Variants in PRKG1 observed in about 807,000 individuals in gnomAD.
The protein encoded by PRKG1 is protein kinase cGMP-dependent 1.
A neutral mutation model predicts 88.1 loss-of-function variants in PRKG1; 35 were observed. That is an observed-to-expected ratio of 0.40 (90% CI 0.30 to 0.53). PRKG1 has a LOEUF of 0.53. PRKG1 is among the 20% of genes least tolerant of loss of function. The pLI is 0.59. For missense variants in PRKG1, 540 were observed against 839.8 expected (o/e 0.64, Z 4.41); for synonymous variants, 303 against 292.5 (o/e 1.04, Z -0.37).
At chr10:51,100,907 G>A (rs1016044896) in intron 1 of PRKG1, among the ~76,000 whole-genome samples, 2 of 152,174 alleles carry the variant, frequency 1.3e-5, no homozygotes, top group Non-Finnish European at 2.9e-5. Flanking sequence ...GTGAAAAAAG[G>A]GTGATTCTGA....
intron 2 of PRKG1, among the ~76,000 whole-genome samples, chr10:51,393,038 C>A (rs528623596): frequency 6.8e-6 from 1 of 145,992 alleles, no homozygotes; most frequent in Admixed American, 6.7e-5. Context: ...GGTTGCCGGG[C>A]GGAGGGGCTC....
chr10:51,384,767 G>A (rs1837207646), intron 2 of PRKG1, among the ~76,000 whole-genome samples: 1 of 152,106 alleles, frequency 6.6e-6, no homozygotes, highest in South Asian at 2.1e-4. Context: ...GACTTTCTTT[G>A]AGGGCAATGG....
At chr10:51,193,501 G>T (rs1273766851) in intron 2 of PRKG1, among the ~76,000 whole-genome samples, 1 of 151,982 alleles carries the variant, frequency 6.6e-6, no homozygotes, top group Admixed American at 6.6e-5. Flanking sequence ...TTATCATGCT[G>T]TCCTTCAAAA....
chr10:52,083,756 T>A (rs1846839400), intron 7 of PRKG1, among the ~76,000 whole-genome samples: 1 of 152,042 alleles, frequency 6.6e-6, no homozygotes, highest in East Asian at 1.9e-4. Context: ...CAAGGATGGA[T>A]GTGAAATTGC....
In PRKG1 at chr10:51,945,469, T is replaced by G. The variant is rs879626178; in HGVS notation, c.762+37899T>G. 2.1e-3 allele frequency among the ~76,000 whole-genome samples: 318 copies of G among 151,324 alleles called. 1 individual carries two copies. The highest frequency in any genetic ancestry group is 3.5e-3 in the Non-Finnish European group (238 of 67,800). ...AGTCCGTTTACATTTAAAGTTAATA[T>G]TGTTATGTGTGAATCTGATCCTGTC... On this transcript the variant is annotated intron_variant, in intron 5 of 17. Transcript: ENST00000373980.
chr10:52,206,828 C>A (rs1267793387), intron 9 of PRKG1, among the ~76,000 whole-genome samples: 1 of 152,194 alleles, frequency 6.6e-6, no homozygotes, highest in Admixed American at 6.5e-5. Context: ...GGCCACAACA[C>A]TGATGGGGGT....
intron 2 of PRKG1, among the ~76,000 whole-genome samples, chr10:51,462,214 C>T (rs532688468): frequency 6.6e-6 from 1 of 152,262 alleles, no homozygotes; most frequent in Admixed American, 6.5e-5. Context: ...ACACCTGGTT[C>T]CCTTTAATAG....
intron 5 of PRKG1, chr10:51,909,988 A>G (rs1302954507): frequency 6.6e-6 from 1 of 152,298 alleles, no homozygotes; most frequent in African/African-American, 2.4e-5. Flanking sequence ...AAGGTAGACT[A>G]TCTGGTTACA....
intron 3 of PRKG1, among the ~76,000 whole-genome samples, chr10:51,688,454 C>T (rs1319479390): frequency 6.6e-6 from 1 of 151,990 alleles, no homozygotes; most frequent in Non-Finnish European, 1.5e-5. Flanking sequence ...ACTATGGCAG[C>T]ACCAAACCTC....
intron 1 of PRKG1, among the ~76,000 whole-genome samples, chr10:51,140,147 G>C (rs931595438): frequency 6.6e-6 from 1 of 152,118 alleles, no homozygotes; most frequent in African/African-American, 2.4e-5. Context: ...CCTAAATGCT[G>C]CATTGTCAAA....
intron 3 of PRKG1, among the ~76,000 whole-genome samples, chr10:51,775,784 A>C (rs1455635657): frequency 6.6e-6 from 1 of 151,944 alleles, no homozygotes; most frequent in Non-Finnish European, 1.5e-5. Flanking sequence ...GGGTTTCACC[A>C]TGTTGCCCAG....
At chr10:52,056,620 A>G (rs10762550) in intron 6 of PRKG1, among the ~76,000 whole-genome samples, 30,370 of 152,094 alleles carry the variant, frequency 0.2, 3,537 homozygotes, top group South Asian at 0.27. Flanking sequence ...AAGTAGTACT[A>G]ATATATTAGA....
chr10:51,198,962 T>C (rs1837843705), intron 2 of PRKG1, among the ~76,000 whole-genome samples: 1 of 152,254 alleles, frequency 6.6e-6, no homozygotes, highest in Non-Finnish European at 1.5e-5. Context: ...TGAAATCTTA[T>C]GCCTTGGAGA....
upstream of PRKG1, chr10:51,074,390 A>T: frequency 2.2e-6 from 3 of 1,346,186 alleles, no homozygotes; most frequent in Non-Finnish European, 3.0e-6. Context: ...AGCCCAGAGA[A>T]GTGGAATCTG....
At chr10:51,860,221 G>A (rs1840835963) in intron 4 of PRKG1, among the ~76,000 whole-genome samples, 1 of 152,028 alleles carries the variant, frequency 6.6e-6, no homozygotes, top group African/African-American at 2.4e-5. Context: ...TTGTACTTTC[G>A]AAAAAACAAC....
chr10:51,406,071 G>A (rs968032098), intron 2 of PRKG1, among the ~76,000 whole-genome samples: 2 of 152,078 alleles, frequency 1.3e-5, no homozygotes, highest in African/African-American at 4.8e-5. Flanking sequence ...TCTCTGCAGC[G>A]ATCCTCTGTC....
rs913934535 is a variant in PRKG1, at chr10:51,428,172, A to G, written c.479-39551A>G. Among the ~76,000 whole-genome samples the G allele has an allele frequency of 7.9e-5, 12 of 152,302 alleles. 1 individual carries two copies. The highest frequency in any genetic ancestry group is 1.4e-4 in the African/African-American group (6 of 41,582). On this transcript the variant is annotated intron_variant, in intron 2 of 17. Coordinates refer to ENST00000373980, the MANE Select transcript of PRKG1 (RefSeq NM_006258.4). ...GCATCTGAATAGCTTTCTGTTTTCC[A>G]TGCATCCTCGTTATGCAACTGCTAA...
intron 2 of PRKG1, among the ~76,000 whole-genome samples, chr10:51,214,781 A>G (rs1838327007): frequency 6.6e-6 from 1 of 152,090 alleles, no homozygotes; most frequent in South Asian, 2.1e-4. Flanking sequence ...TCAGGCCCGG[A>G]GAACAGCTGT....
At chr10:51,389,194 T>G (rs997230390) in intron 2 of PRKG1, among the ~76,000 whole-genome samples, 4 of 152,232 alleles carry the variant, frequency 2.6e-5, no homozygotes, top group Non-Finnish European at 5.9e-5. Context: ...AGATATCTTG[T>G]TTTTCCTCTT....
Sources: allele counts gnomAD v4.1 joint callset (sites outside exome capture counted in the v4.1 genomes callset), GRCh38; gene constraint gnomAD v4.1.1; transcripts MANE v1.5; gene names NCBI Gene and HGNC (gene_info 2026-07-23, HGNC 2026-07-21).